The following LTBP1 variants were observed in gnomAD, a reference collection of about 807,000 sequenced individuals.
LTBP1 encodes latent transforming growth factor beta binding protein 1, also known as latent-transforming growth factor beta-binding protein 1.
A neutral mutation model predicts 207.6 loss-of-function variants in LTBP1; 129 were observed. The ratio of observed to expected loss-of-function variants is 0.62; its 90% confidence interval spans 0.54 to 0.72. The LOEUF (loss-of-function observed/expected upper bound fraction) is 0.72. LTBP1 is among the 30% of genes least tolerant of loss of function. The pLI, the probability that LTBP1 is intolerant of heterozygous loss-of-function variation, is 0.00. For synonymous variants in LTBP1, 963 were observed against 833.7 expected (o/e 1.16, Z -2.67); for missense variants, 2,281 against 2,217.2 (o/e 1.03, Z -0.58).
At chr2:33,081,859 C>G (rs1480069930) in intron 3 of LTBP1, among the ~76,000 whole-genome samples, 1 of 152,166 alleles carries the variant, frequency 6.6e-6, no homozygotes, top group Non-Finnish European at 1.5e-5. Flanking sequence ...CTTTTCCCCT[C>G]TGTGCTCGGT....
intron 2 of LTBP1, among the ~76,000 whole-genome samples, chr2:32,982,665 C>A (rs770354675): frequency 1.1e-4 from 17 of 152,190 alleles, no homozygotes; most frequent in Admixed American, 2.6e-4. Flanking sequence ...GCCTTGAGCT[C>A]CAGTGCTCCA....
chr2:33,243,290 A>G (rs951621162), intron 9 of LTBP1, among the ~76,000 whole-genome samples: 3 of 152,168 alleles, frequency 2.0e-5, no homozygotes, highest in Non-Finnish European at 2.9e-5. Flanking sequence ...AAGTTTTTCA[A>G]ATATTCATAT....
intron 3 of LTBP1, among the ~76,000 whole-genome samples, chr2:33,055,149 G>A (rs1010378662): frequency 2.6e-5 from 4 of 152,226 alleles, no homozygotes; most frequent in Admixed American, 6.5e-5. Flanking sequence ...ATAGAACACC[G>A]AGGTTGCAAG....
At position 33,185,855 on chromosome 2, in the gene LTBP1, G is replaced by A. The variant is rs185409928; in HGVS notation, c.1202-1001G>A. On this transcript the variant is annotated intron_variant, in intron 5 of 33. Transcript: ENST00000404816. The stretch of plus-strand genomic sequence containing the variant: ...TGGAAAGTTTAGTTATGGAGGAGAC[G>A]ATTTAAAGAGGGTAGAAGCTGGAAG... Among the ~76,000 whole-genome samples, 13 of 152,298 alleles carry A rather than the reference G, an allele frequency of 8.5e-5. No individual in the cohort carries two copies. The East Asian group carries it at 1.4e-3, about 16-fold the overall frequency.
chr2:33,395,715 G>A (rs368704518), intron 32 of LTBP1, among the ~76,000 whole-genome samples: 86 of 141,776 alleles, frequency 6.1e-4, no homozygotes, highest in Non-Finnish European at 7.2e-4. Flanking sequence ...TCCTTGTTTA[G>A]AAAAAAAAAA....
At chr2:33,256,412 C>A (rs1188136258) in intron 11 of LTBP1, among the ~76,000 whole-genome samples, 1 of 151,888 alleles carries the variant, frequency 6.6e-6, no homozygotes, top group Non-Finnish European at 1.5e-5. Context: ...TTGGTGGAGC[C>A]CTTTGTGTTC....
intron 3 of LTBP1, among the ~76,000 whole-genome samples, chr2:33,033,597 GT>G: frequency 6.6e-6 from 1 of 151,258 alleles, no homozygotes; most frequent in African/African-American, 2.4e-5. Flanking sequence ...GCTGACTATG[GT>G]GGGGGAAAAA....
intron 5 of LTBP1, among the ~76,000 whole-genome samples, chr2:33,167,452 G>C (rs976051869): frequency 1.3e-5 from 2 of 151,902 alleles, no homozygotes; most frequent in African/African-American, 4.8e-5. Context: ...AAAAAGATGA[G>C]GTCCAAAAAC....
chr2:33,156,352 C>T (rs930233339), intron 5 of LTBP1, among the ~76,000 whole-genome samples: 6 of 152,146 alleles, frequency 3.9e-5, no homozygotes, highest in East Asian at 3.8e-4. Context: ...AGACCATATT[C>T]GTCGTGCTTG....
intron 24 of LTBP1, among the ~76,000 whole-genome samples, chr2:33,316,544 A>G (rs1370149290): frequency 6.6e-6 from 1 of 152,194 alleles, no homozygotes; most frequent in Non-Finnish European, 1.5e-5. Flanking sequence ...TTTGACTAGA[A>G]CTGGGAGAGA....
chr2:33,257,635 A>G, intron 12 of LTBP1, 124 bp downstream of exon 12: 1 of 764,218 alleles, frequency 1.3e-6, no homozygotes. Flanking sequence ...TTTAGAGTGG[A>G]GAATTATTTG....
At chr2:33,062,269 G>A (rs1298341154) in intron 3 of LTBP1, among the ~76,000 whole-genome samples, 1 of 151,558 alleles carries the variant, frequency 6.6e-6, no homozygotes, top group Non-Finnish European at 1.5e-5. Flanking sequence ...TACTGTGTTA[G>A]TTTTCTTAAC....
At chr2:33,210,154 G>T (rs189822038) in intron 7 of LTBP1, among the ~76,000 whole-genome samples, 1 of 152,210 alleles carries the variant, frequency 6.6e-6, no homozygotes, top group South Asian at 2.1e-4. Context: ...AAGGCAAGTA[G>T]ATATCTGGGA....
chr2:33,017,113 A>G (rs1297338165), intron 2 of LTBP1, among the ~76,000 whole-genome samples: 23 of 152,240 alleles, frequency 1.5e-4, no homozygotes, highest in Admixed American at 1.5e-3. Context: ...TTTCACGTAA[A>G]TGCTATGAAT....
At chr2:33,353,390 C>T (rs543541763) in intron 26 of LTBP1, among the ~76,000 whole-genome samples, 1 of 152,284 alleles carries the variant, frequency 6.6e-6, no homozygotes, top group South Asian at 2.1e-4. Flanking sequence ...AGGATTCTGC[C>T]TCTCTGCTCT....
intron 2 of LTBP1, among the ~76,000 whole-genome samples, chr2:32,967,499 A>T (rs1236582780): frequency 6.6e-6 from 1 of 152,080 alleles, no homozygotes; most frequent in Non-Finnish European, 1.5e-5. Flanking sequence ...GTATCCTGCA[A>T]ATTCCATTAA....
chr2:33,151,821 TTTTGTGTGTGTGTGTGTGTGTGTGTGTG>T (rs923499420), intron 5 of LTBP1, among the ~76,000 whole-genome samples: 12 of 140,734 alleles, frequency 8.5e-5, no homozygotes, highest in African/African-American at 3.2e-4. Flanking sequence ...TAGTATTCCA[TTTTGTGTGTGTGTGTGTGTGTGTGTGTG>T]TGTGTGTGTG....
chr2:33,171,378 C>T (rs1191907944), intron 5 of LTBP1, among the ~76,000 whole-genome samples: 11 of 146,844 alleles, frequency 7.5e-5, no homozygotes, highest in Non-Finnish European at 1.2e-4. Context: ...CCTCAGGAGC[C>T]GATGCGATCA....
chr2:32,983,073 T>C (rs111651226), intron 2 of LTBP1, among the ~76,000 whole-genome samples: 22,603 of 152,232 alleles, frequency 0.15, 2,070 homozygotes, highest in Non-Finnish European at 0.21. Context: ...TGTCAGCTCA[T>C]GAAAGCAGCC....
Sources: gnomAD v4.1 joint callset for allele counts (sites outside exome capture counted in the v4.1 genomes callset) on GRCh38, gnomAD v4.1.1 for gene constraint, MANE v1.5 for transcripts, NCBI Gene and HGNC (gene_info 2026-07-23, HGNC 2026-07-21) for gene names.